The following COPG2 variants were observed in gnomAD, a reference collection of about 807,000 sequenced individuals.
The protein encoded by COPG2 is coat protein complex I subunit gamma 2.
A neutral mutation model predicts 46.3 loss-of-function variants in COPG2; 37 were observed. That is an observed-to-expected ratio of 0.80 (90% CI 0.61 to 1.05). The LOEUF is 1.05. COPG2 is among the 50% of genes least tolerant of loss of function. The pLI, the probability that COPG2 is intolerant of heterozygous loss-of-function variation, is 0.00. For missense variants in COPG2, 427 were observed against 387.8 expected, an observed-to-expected ratio of 1.10 and a Z score of -0.85; for synonymous variants, 159 against 129.7, an observed-to-expected ratio of 1.23 and a Z score of -1.53.
At chr7:130,621,972 C>G (rs369863223) in intron 5 of COPG2, among the ~76,000 whole-genome samples, 4 of 137,098 alleles carry the variant, frequency 2.9e-5, no homozygotes, top group Admixed American at 2.1e-4. Context: ...AAAAAGACAA[C>G]AAAAAAACTT....
chr7:130,656,245 A>G (rs1250865055), intron 4 of COPG2, among the ~76,000 whole-genome samples: 3 of 151,978 alleles, frequency 2.0e-5, no homozygotes, highest in African/African-American at 7.2e-5. Flanking sequence ...TTGGAAGAGA[A>G]AAATAATTAA....
intron 5 of COPG2, among the ~76,000 whole-genome samples, chr7:130,651,733 G>T (rs1795751892): frequency 7.3e-5 from 11 of 151,040 alleles, no homozygotes; most frequent in Admixed American, 7.2e-4. Context: ...AGCCAGGATG[G>T]TCTCGATCTC....
chr7:130,506,512 C>A lies in COPG2; in HGVS notation c.*164G>T. On this transcript the variant is annotated 3_prime_UTR_variant, in exon 24 of 24. Coordinates refer to ENST00000425248, the MANE Select transcript of COPG2 (RefSeq NM_012133.6). ...AAAAAAAAAAAAAACAACCCATGCG[C>A]AAAGATAGACATTTGCTTGATCTGC... 2.2e-6 allele frequency: 1 copy of A among 453,224 alleles called. No individual in the cohort carries two copies. The highest frequency in any genetic ancestry group is 4.1e-5 in the South Asian group (1 of 24,326). 28.1% of individuals were successfully genotyped at this position (453,224 alleles called of 1,614,324 possible).
At chr7:130,510,853 G>A in intron 20 of COPG2, 1 of 511,002 alleles carries the variant, frequency 2.0e-6, no homozygotes, top group Non-Finnish European at 3.9e-6. Context: ...AAGATGCGGG[G>A]GCCTTTCCAT....
intron 20 of COPG2, among the ~76,000 whole-genome samples, chr7:130,510,769 A>G (rs1554440916): frequency 1.3e-5 from 2 of 152,214 alleles, no homozygotes. Context: ...ATGAGAGGTT[A>G]CAGGGATCTA....
At chr7:130,659,419 A>C (rs1296396618) in intron 4 of COPG2, among the ~76,000 whole-genome samples, 1 of 151,088 alleles carries the variant, frequency 6.6e-6, no homozygotes, top group Non-Finnish European at 1.5e-5. Flanking sequence ...TCTACTCCAG[A>C]AAAAGTCTCA....
intron 14 of COPG2, among the ~76,000 whole-genome samples, chr7:130,554,070 T>C (rs944327823): frequency 1.4e-4 from 22 of 152,272 alleles, no homozygotes; most frequent in African/African-American, 4.8e-4. Flanking sequence ...AAGGAAAGTA[T>C]AGAGTCAGTA....
intron 20 of COPG2, chr7:130,509,998 G>C: frequency 2.1e-6 from 1 of 485,602 alleles, no homozygotes; most frequent in Non-Finnish European, 4.1e-6. Flanking sequence ...AACAGTAAGA[G>C]GCATGCTAAT....
rs1456623077 is a variant in COPG2 at position 130,613,645 on chromosome 7, A to G, written c.400-9T>C. ...GCTTGCAACATTGTTCCCTAATAACATTCAAAAAGAAAAAATTGTTAAGGA... is the reference window on the plus strand; with the variant it reads ...GCTTGCAACATTGTTCCCTAATAACGTTCAAAAAGAAAAAATTGTTAAGGA... On this transcript the variant is annotated splice_polypyrimidine_tract_variant and intron_variant, in intron 6 of 23. Transcript: ENST00000425248. 8 of 1,565,522 alleles carry G rather than the reference A, an allele frequency of 5.1e-6. 1 individual carries two copies. Among genetic ancestry groups the G allele is most frequent in the Middle Eastern group, 1.7e-4 (1 of 6,028 alleles).
At chr7:130,662,794 T>C (rs2116265438) in intron 4 of COPG2, among the ~76,000 whole-genome samples, 173 bp downstream of exon 4, 1 of 152,338 alleles carries the variant, frequency 6.6e-6, no homozygotes, top group South Asian at 2.1e-4. Context: ...TTACACTGCA[T>C]ACTTTAATTC....
intron 20 of COPG2, among the ~76,000 whole-genome samples, chr7:130,520,810 T>C (rs1040864395): frequency 1.1e-4 from 16 of 152,368 alleles, no homozygotes; most frequent in Non-Finnish European, 2.4e-4. Context: ...CATTTGTTAT[T>C]TATATTGAAA....
intron 12 of COPG2, among the ~76,000 whole-genome samples, chr7:130,558,996 G>T (rs1793675596): frequency 6.6e-6 from 1 of 151,996 alleles, no homozygotes; most frequent in African/African-American, 2.4e-5. Flanking sequence ...AATTTGAAGG[G>T]AATATAATTT....
intron 20 of COPG2, among the ~76,000 whole-genome samples, chr7:130,527,763 G>T (rs1284503872): frequency 1.3e-5 from 2 of 152,124 alleles, no homozygotes; most frequent in Admixed American, 1.3e-4. Context: ...GGAGGCATCA[G>T]GGTCAAGACT....
chr7:130,625,989 T>C (rs1795113396), intron 5 of COPG2, among the ~76,000 whole-genome samples: 1 of 152,178 alleles, frequency 6.6e-6, no homozygotes, highest in Non-Finnish European at 1.5e-5. Flanking sequence ...AACTGACACA[T>C]AATAATTGTA....
chr7:130,644,111 A>T (rs1463726962), intron 5 of COPG2, among the ~76,000 whole-genome samples: 1 of 151,484 alleles, frequency 6.6e-6, no homozygotes, highest in Non-Finnish European at 1.5e-5. Context: ...GAATCCCTAA[A>T]TAGGTTTCAT....
chr7:130,602,343 ATAAT>A (rs1554450466), intron 9 of COPG2, among the ~76,000 whole-genome samples: 2 of 152,014 alleles, frequency 1.3e-5, no homozygotes, highest in East Asian at 1.9e-4. Flanking sequence ...CATTCTTTAT[ATAAT>A]TAAATATTAT....
intron 7 of COPG2, 59 bp downstream of exon 7, chr7:130,613,482 TTTG>T (rs1329195758): frequency 2.1e-6 from 2 of 947,956 alleles, no homozygotes; most frequent in Non-Finnish European, 3.3e-6. Flanking sequence ...ATAGTGATAC[TTTG>T]TTTTCGCAAC....
intron 7 of COPG2, among the ~76,000 whole-genome samples, 168 bp from the exon 8 acceptor site, chr7:130,612,406 A>G (rs530652641): frequency 5.3e-5 from 8 of 152,374 alleles, no homozygotes; most frequent in African/African-American, 1.9e-4. Context: ...CTGATAAACC[A>G]GAAGTATTTT....
intron 5 of COPG2, among the ~76,000 whole-genome samples, chr7:130,622,398 G>A (rs993997366): frequency 3.3e-5 from 5 of 152,162 alleles, no homozygotes; most frequent in Non-Finnish European, 4.4e-5. Context: ...ATGCCAGTGA[G>A]CTGAGCCCCA....
Sources: allele counts gnomAD v4.1 joint callset (sites outside exome capture counted in the v4.1 genomes callset), GRCh38; gene constraint gnomAD v4.1.1; transcripts MANE v1.5; gene names NCBI Gene and HGNC (gene_info 2026-07-23, HGNC 2026-07-21).